Variants in COL25A1 observed in about 807,000 individuals in gnomAD.
COL25A1 encodes collagen alpha-1(XXV) chain.
A neutral mutation model predicts 128.4 loss-of-function variants in COL25A1; 103 were observed. The observed-to-expected ratio is 0.80, with a 90% confidence interval of 0.68 to 0.94. The LOEUF (loss-of-function observed/expected upper bound fraction) is 0.94, where lower values mean the gene tolerates loss of function less well. Ranked by LOEUF, COL25A1 falls within the 40% of genes least tolerant of loss-of-function variation. The pLI is 0.00. For synonymous variants in COL25A1, 279 were observed against 277.2 expected (o/e 1.01, Z -0.06); for missense variants, 745 against 840.0 (o/e 0.89, Z 1.40).
At chr4:108,913,551 C>T (rs1461050128) in intron 13 of COL25A1, among the ~76,000 whole-genome samples, 2 of 152,082 alleles carry the variant, frequency 1.3e-5, no homozygotes, top group South Asian at 2.1e-4. Context: ...AGACACCGCA[C>T]CCGACCTCCA....
Position 109,047,728 on chromosome 4 carries a change from CTTTTTTTTTTTTTTT to C in COL25A1, c.420+425_420+439del, listed in dbSNP as rs59105153. On this transcript the variant is annotated intron_variant, in intron 5 of 37. Coordinates refer to ENST00000399132, the MANE Select transcript of COL25A1 (RefSeq NM_198721.4). ...TAATTTTCCAAACTTTAAGTATACTCTTTTTTTTTTTTTTTTTTTTTTTAGACAGAGTCTCGCTCT... is the reference window on the plus strand; with the variant it reads ...TAATTTTCCAAACTTTAAGTATACTCTTTTTTTTAGACAGAGTCTCGCTCT... 3.1e-4 allele frequency among the ~76,000 whole-genome samples: 41 copies of C among 132,190 alleles called. 1 individual carries two copies. The Middle Eastern group carries it at 0.012, about 39-fold the overall frequency. The allele number at this position is 132,190 out of a possible 152,430, so 86.7% of individuals were successfully genotyped here. A position where few individuals can be genotyped will look rare whatever the true frequency, so the allele number is the denominator to read the frequency against.
chr4:109,042,908 T>C (rs1760057512), intron 5 of COL25A1, among the ~76,000 whole-genome samples: 1 of 152,064 alleles, frequency 6.6e-6, no homozygotes, highest in Admixed American at 6.6e-5. Context: ...ACTAACAGCT[T>C]AATATGAACC....
intron 3 of COL25A1, among the ~76,000 whole-genome samples, chr4:109,214,618 A>G (rs28668025): frequency 0.38 from 57,239 of 150,346 alleles, 11,829 homozygotes; most frequent in African/African-American, 0.55. Flanking sequence ...ATATATACAT[A>G]TATATAATCT....
At chr4:109,107,905 G>T (rs1766599475) in intron 3 of COL25A1, among the ~76,000 whole-genome samples, 1 of 152,214 alleles carries the variant, frequency 6.6e-6, no homozygotes, top group Non-Finnish European at 1.5e-5. Context: ...ATGTGTAACA[G>T]CATTTTAAAA....
chr4:109,093,384 C>T (rs575551499), intron 3 of COL25A1, among the ~76,000 whole-genome samples: 13 of 148,026 alleles, frequency 8.8e-5, no homozygotes, highest in Non-Finnish European at 1.9e-4. Context: ...CTTTGGGAGG[C>T]CAAAGTGAAA....
chr4:109,167,677 T>C (rs1292525925), intron 3 of COL25A1, among the ~76,000 whole-genome samples: 1 of 152,136 alleles, frequency 6.6e-6, no homozygotes, highest in Non-Finnish European at 1.5e-5. Context: ...TTACTTCATG[T>C]ACATTAGCTT....
rs138939737 is a variant in COL25A1 at position 109,238,932 on chromosome 4, G to A, written c.367+61651C>T. Reference sequence around the variant, plus strand: ...AGCTCCTGCATGCAGACTGGTGGGGGTAGGAGAGTAGAGGTAGCCACTTTC... The same window carrying A: ...AGCTCCTGCATGCAGACTGGTGGGGATAGGAGAGTAGAGGTAGCCACTTTC... On this transcript the variant is annotated intron_variant, in intron 3 of 37. Transcript: ENST00000399132. Among the ~76,000 whole-genome samples, 63 of 152,074 alleles carry A rather than the reference G, an allele frequency of 4.1e-4. 1 individual carries two copies. Among genetic ancestry groups the A allele is most frequent in the African/African-American group, 1.5e-3 (61 of 41,506 alleles).
chr4:108,962,977 CTG>C (rs1222486047), intron 8 of COL25A1, among the ~76,000 whole-genome samples: 5 of 152,176 alleles, frequency 3.3e-5, no homozygotes, highest in Admixed American at 3.3e-4. Context: ...GATTTACAGG[CTG>C]TGTCTGCTAC....
chr4:108,876,202 A>C (rs1243907941), intron 19 of COL25A1, among the ~76,000 whole-genome samples: 1 of 151,910 alleles, frequency 6.6e-6, no homozygotes. Context: ...CTAGAACTTA[A>C]AGTATAAAAA....
intron 3 of COL25A1, among the ~76,000 whole-genome samples, chr4:109,211,493 A>G (rs1446510202): frequency 6.6e-6 from 1 of 151,280 alleles, no homozygotes; most frequent in Non-Finnish European, 1.5e-5. Flanking sequence ...CTGAGCATTA[A>G]GAGATGGGGA....
At chr4:108,898,170 A>C (rs1742364303) in intron 15 of COL25A1, among the ~76,000 whole-genome samples, 1 of 152,192 alleles carries the variant, frequency 6.6e-6, no homozygotes, top group Non-Finnish European at 1.5e-5. Flanking sequence ...CTTAGTAGGG[A>C]AACTGGCTCA....
At chr4:109,193,062 T>C (rs963519257) in intron 3 of COL25A1, among the ~76,000 whole-genome samples, 17 of 152,168 alleles carry the variant, frequency 1.1e-4, no homozygotes, top group African/African-American at 3.9e-4. Flanking sequence ...TACTTTGTTA[T>C]GGCAGCCCTT....
chr4:109,212,688 A>G (rs1359165702), intron 3 of COL25A1, among the ~76,000 whole-genome samples: 1 of 152,206 alleles, frequency 6.6e-6, no homozygotes, highest in African/African-American at 2.4e-5. Context: ...GGGGAAAAGT[A>G]GTACCCATGA....
chr4:109,093,472 A>AAAAAAAAAAAAAAAAAAAC (rs765991576), intron 3 of COL25A1, among the ~76,000 whole-genome samples: 1 of 145,540 alleles, frequency 6.9e-6, no homozygotes, highest in African/African-American at 2.6e-5. Flanking sequence ...AAAAAAAAAA[A>AAAAAAAAAAAAAAAAAAAC]AAAACCTTTT....
chr4:109,152,647 A>G (rs570264573), intron 3 of COL25A1, among the ~76,000 whole-genome samples: 1 of 152,350 alleles, frequency 6.6e-6, no homozygotes, highest in South Asian at 2.1e-4. Context: ...CAGAAAAACC[A>G]AATGTGGTAT....
chr4:108,959,757 C>A (rs547472299), intron 8 of COL25A1, among the ~76,000 whole-genome samples: 12 of 152,248 alleles, frequency 7.9e-5, no homozygotes, highest in Admixed American at 2.0e-4. Context: ...AGAGTTACAG[C>A]ACTAACATTC....
At chr4:108,931,383 T>C (rs1031302788) in intron 11 of COL25A1, among the ~76,000 whole-genome samples, 17 of 152,100 alleles carry the variant, frequency 1.1e-4, no homozygotes, top group African/African-American at 4.1e-4. Context: ...CTGGAGCCAC[T>C]GTAAAAATAG....
In COL25A1 at chr4:109,026,137, T is replaced by C. The variant is rs201321573; in HGVS notation, c.421-15762A>G. Reference sequence around the variant, plus strand: ...ACACACACACACACACACACACACATATACTCTTAAATTAGTTCGCGGGTT... The same window carrying C: ...ACACACACACACACACACACACACACATACTCTTAAATTAGTTCGCGGGTT... On this transcript the variant is annotated intron_variant, in intron 5 of 37. Coordinates refer to ENST00000399132, the MANE Select transcript of COL25A1 (RefSeq NM_198721.4). 7.6e-3 allele frequency among the ~76,000 whole-genome samples: 928 copies of C among 122,578 alleles called. 6 individuals are homozygous for C. Among genetic ancestry groups the C allele is most frequent in the East Asian group, 0.031 (129 of 4,158 alleles). 80.4% of individuals were successfully genotyped at this position (122,578 alleles called of 152,430 possible).
At chr4:109,120,068 T>C (rs1767980950) in intron 3 of COL25A1, among the ~76,000 whole-genome samples, 1 of 152,104 alleles carries the variant, frequency 6.6e-6, no homozygotes, top group African/African-American at 2.4e-5. Flanking sequence ...AGAAAAACCA[T>C]GTGACAAAAT....
Sources: gnomAD v4.1 joint callset for allele counts (sites outside exome capture counted in the v4.1 genomes callset) on GRCh38, gnomAD v4.1.1 for gene constraint, MANE v1.5 for transcripts, NCBI Gene and HGNC (gene_info 2026-07-23, HGNC 2026-07-21) for gene names.